NTRK3: variants seen among roughly 807,000 people sequenced by gnomAD.
The protein encoded by NTRK3 is NT-3 growth factor receptor.
A neutral mutation model predicts 91.7 loss-of-function variants in NTRK3; 24 were observed. The ratio of observed to expected loss-of-function variants is 0.26; its 90% confidence interval spans 0.19 to 0.37. The LOEUF (loss-of-function observed/expected upper bound fraction) is 0.37. Among genes scored for constraint, NTRK3 ranks in the 10% least tolerant of loss-of-function variants. The pLI, the probability that NTRK3 is intolerant of heterozygous loss-of-function variation, is 1.00. For missense variants in NTRK3, 880 were observed against 1,068.9 expected (o/e 0.82, Z 2.46); for synonymous variants, 483 against 404.0 (o/e 1.20, Z -2.34).
intron 5 of NTRK3, among the ~76,000 whole-genome samples, chr15:88,181,812 T>A (rs2046489640): frequency 6.6e-6 from 1 of 152,242 alleles, no homozygotes; most frequent in Admixed American, 6.5e-5. Flanking sequence ...CTGGAACTGA[T>A]GACTGGTTGC....
At chr15:87,942,836 C>T (rs1477959435) in intron 14 of NTRK3, among the ~76,000 whole-genome samples, 1 of 152,164 alleles carries the variant, frequency 6.6e-6, no homozygotes, top group Non-Finnish European at 1.5e-5. Context: ...AAAATGTAGG[C>T]TGTGTTTTGG....
At chr15:88,169,534 G>T (rs1024114667) in intron 5 of NTRK3, among the ~76,000 whole-genome samples, 1 of 152,188 alleles carries the variant, frequency 6.6e-6, no homozygotes, top group Non-Finnish European at 1.5e-5. Flanking sequence ...CCCCTCTTCT[G>T]CTCTAATATG....
intron 13 of NTRK3, among the ~76,000 whole-genome samples, chr15:88,096,072 C>T (rs1024407153): frequency 2.6e-5 from 4 of 152,066 alleles, no homozygotes; most frequent in African/African-American, 9.7e-5. Flanking sequence ...AGGTGGTGAC[C>T]TCTAAAAGGA....
At chr15:88,205,747 G>C (rs2048694178) in intron 3 of NTRK3, 2 of 152,244 alleles carry the variant, frequency 1.3e-5, no homozygotes, top group African/African-American at 4.8e-5. Context: ...CTGACTACAA[G>C]AGAAGGCTCC....
intron 14 of NTRK3, among the ~76,000 whole-genome samples, chr15:88,020,131 G>A (rs997915050): frequency 6.6e-6 from 1 of 152,222 alleles, no homozygotes; most frequent in South Asian, 2.1e-4. Context: ...ACATGGGCAG[G>A]CATACAGGGG....
chr15:88,063,327 T>C (rs1412091734), intron 13 of NTRK3, among the ~76,000 whole-genome samples: 1 of 152,258 alleles, frequency 6.6e-6, no homozygotes, highest in Non-Finnish European at 1.5e-5. Context: ...CAGACAGAGC[T>C]GTTGGTGGCT....
At chr15:87,868,706 G>A (rs1486035574) in exon 19 of NTRK3, 1 of 220,134 alleles carries the variant, frequency 4.5e-6, no homozygotes, top group Non-Finnish European at 9.1e-6. Context: ...GAGGTTCTAT[G>A]TGGCTGTTGT....
intron 14 of NTRK3, among the ~76,000 whole-genome samples, chr15:88,013,801 G>C (rs1393344101): frequency 2.6e-5 from 4 of 152,252 alleles, no homozygotes; most frequent in Non-Finnish European, 4.4e-5. Context: ...CAGGTAGCAG[G>C]CGTGGTGGTG....
At chr15:88,086,438 C>CA (rs1399041060) in intron 13 of NTRK3, among the ~76,000 whole-genome samples, 4 of 152,024 alleles carry the variant, frequency 2.6e-5, no homozygotes, top group Non-Finnish European at 1.5e-5. Context: ...TTTAAAATAA[C>CA]ATGGTCAAAT....
At position 88,235,088 on chromosome 15, in the gene NTRK3, C is replaced by T. The variant is rs774482888; in HGVS notation, c.248+20818G>A. On this transcript the variant is annotated intron_variant, in intron 3 of 18. Coordinates refer to ENST00000394480, the Ensembl canonical transcript of NTRK3. The surrounding 1 kb of genome is among the most constrained non-coding windows in gnomAD (Gnocchi z 5.2). ...CCCTTACACAAAGGCAGCCTCCTCA[C>T]CTCCCCATCATGCCTCATAACAGAG... 3.3e-5 allele frequency among the ~76,000 whole-genome samples: 5 copies of T among 152,200 alleles called. No individual in the cohort carries two copies. The highest frequency in any genetic ancestry group is 6.5e-5 in the Admixed American group (1 of 15,288).
intron 5 of NTRK3, among the ~76,000 whole-genome samples, chr15:88,170,524 C>A (rs1171052760): frequency 6.6e-6 from 1 of 152,216 alleles, no homozygotes; most frequent in Non-Finnish European, 1.5e-5. Flanking sequence ...CTCACAATAA[C>A]CCTGTAGGGG....
At chr15:88,246,859 T>C (rs2052876262) in intron 3 of NTRK3, among the ~76,000 whole-genome samples, 1 of 152,140 alleles carries the variant, frequency 6.6e-6, no homozygotes, top group Non-Finnish European at 1.5e-5. Context: ...AGCTGACCTC[T>C]CTGCTCAGCC....
At chr15:87,980,976 C>G (rs1468263393) in intron 14 of NTRK3, among the ~76,000 whole-genome samples, 1 of 152,164 alleles carries the variant, frequency 6.6e-6, no homozygotes, top group East Asian at 1.9e-4. Flanking sequence ...ACACCACTGT[C>G]TCTTTCCAGG....
At chr15:88,075,794 A>G (rs1013384443) in intron 13 of NTRK3, among the ~76,000 whole-genome samples, 30 of 152,218 alleles carry the variant, frequency 2.0e-4, no homozygotes, top group Non-Finnish European at 4.4e-5. Flanking sequence ...TGGTGGGGGC[A>G]GGGGGTGTCA....
intron 13 of NTRK3, among the ~76,000 whole-genome samples, chr15:88,077,802 G>A (rs995086341): frequency 5.9e-5 from 9 of 152,318 alleles, no homozygotes; most frequent in African/African-American, 2.2e-4. Context: ...CTCTAGGCAA[G>A]GAACTTTACC....
intron 5 of NTRK3, among the ~76,000 whole-genome samples, chr15:88,158,634 T>C (rs61319779): frequency 0.03 from 4,597 of 152,230 alleles, 233 homozygotes; most frequent in African/African-American, 0.1. Context: ...TTCTGCGGGG[T>C]GGGTGGGCAT....
chr15:87,998,480 G>A (rs1432108757), intron 14 of NTRK3, among the ~76,000 whole-genome samples: 1 of 152,236 alleles, frequency 6.6e-6, no homozygotes, highest in East Asian at 1.9e-4. Flanking sequence ...CTATACAGTG[G>A]CTGTTGTAGA....
chr15:88,087,012 G>A (rs184636715), intron 13 of NTRK3, among the ~76,000 whole-genome samples: 143 of 152,326 alleles, frequency 9.4e-4, no homozygotes, highest in African/African-American at 3.3e-3. Flanking sequence ...GCTCAAAAAC[G>A]GGTGCATCAC....
intron 14 of NTRK3, among the ~76,000 whole-genome samples, chr15:87,995,911 A>C (rs2075659656): frequency 6.6e-6 from 1 of 152,232 alleles, no homozygotes; most frequent in South Asian, 2.1e-4. Context: ...CACGTGTTAC[A>C]AAAGATGATT....
Sources: allele counts gnomAD v4.1 joint callset (sites outside exome capture counted in the v4.1 genomes callset), GRCh38; gene constraint gnomAD v4.1.1; non-coding constraint Gnocchi (gnomAD v3.1); transcripts MANE v1.5; gene names NCBI Gene and HGNC (gene_info 2026-07-23, HGNC 2026-07-21).